The following GLCCI1 variants were observed in gnomAD, a reference collection of about 807,000 sequenced individuals.
GLCCI1 encodes glucocorticoid induced 1, also known as glucocorticoid-induced transcript 1 protein.
In GLCCI1, 24 loss-of-function variants were observed where a neutral mutation model predicts 52.2. The observed-to-expected ratio is 0.46, with a 90% confidence interval of 0.33 to 0.65. The LOEUF is 0.65. GLCCI1 is among the 30% of genes least tolerant of loss of function. The pLI is 0.02. For synonymous variants in GLCCI1, 310 were observed against 276.5 expected (o/e 1.12, Z -1.20); for missense variants, 704 against 701.5 (o/e 1.00, Z -0.04).
chr7:8,043,315 T>A (rs1313408387), intron 3 of GLCCI1, among the ~76,000 whole-genome samples: 1 of 149,802 alleles, frequency 6.7e-6, no homozygotes, highest in Non-Finnish European at 1.5e-5. Flanking sequence ...TATGCCTTCA[T>A]TCAACAATGC....
At chr7:7,976,479 C>CAAAAAAAAAAAAAAAAAAAAA (rs35255634) in intron 1 of GLCCI1, among the ~76,000 whole-genome samples, 16 of 24,664 alleles carry the variant, frequency 6.5e-4, no homozygotes, top group African/African-American at 1.6e-3. Context: ...AACTCCATCT[C>CAAAAAAAAAAAAAAAAAAAAA]AAAAAAAAAA....
At chr7:8,029,893 AT>A (rs1202341219) in intron 3 of GLCCI1, among the ~76,000 whole-genome samples, 3 of 152,190 alleles carry the variant, frequency 2.0e-5, no homozygotes, top group African/African-American at 7.2e-5. Flanking sequence ...GATGAAAGAA[AT>A]TGAAGAGGAC....
At chr7:8,063,469 G>A (rs533913309) in intron 5 of GLCCI1, among the ~76,000 whole-genome samples, 70 of 151,752 alleles carry the variant, frequency 4.6e-4, no homozygotes, top group African/African-American at 9.7e-4. Flanking sequence ...TTTAATAACC[G>A]TTCTAACTGA....
At chr7:8,066,573 T>C (rs1782635905) in intron 5 of GLCCI1, among the ~76,000 whole-genome samples, 1 of 151,254 alleles carries the variant, frequency 6.6e-6, no homozygotes, top group African/African-American at 2.4e-5. Flanking sequence ...TAGAATCTAG[T>C]ATGTTGTATC....
intron 5 of GLCCI1, among the ~76,000 whole-genome samples, chr7:8,066,579 G>C (rs1191501703): frequency 6.6e-6 from 1 of 150,582 alleles, no homozygotes; most frequent in Non-Finnish European, 1.5e-5. Context: ...CTAGTATGTT[G>C]TATCTTTAGT....
At chr7:7,998,858 T>G (rs1780996988) in intron 1 of GLCCI1, among the ~76,000 whole-genome samples, 1 of 152,190 alleles carries the variant, frequency 6.6e-6, no homozygotes, top group Non-Finnish European at 1.5e-5. Context: ...AAGCTTTTAA[T>G]GTCTCTAAAT....
At chr7:8,057,070 A>G (rs185119312) in intron 4 of GLCCI1, among the ~76,000 whole-genome samples, 9 of 152,338 alleles carry the variant, frequency 5.9e-5, no homozygotes, top group Non-Finnish European at 1.0e-4. Flanking sequence ...AGGATGTGGA[A>G]CAACCAGAAC....
At chr7:7,980,193 C>T (rs1320430494) in intron 1 of GLCCI1, 1 of 152,628 alleles carries the variant, frequency 6.6e-6, no homozygotes, top group Non-Finnish European at 1.5e-5. Flanking sequence ...CTGGACCTGG[C>T]CCTATTTTTC....
Position 8,081,690 on chromosome 7 carries a change from A to G in GLCCI1, c.1178-3207A>G, listed in dbSNP as rs867200916. Reference sequence around the variant, plus strand: ...TTTCTATATGAAATTCCAAACTTGAATAACTTCTCTAATTTTTCCAAACTC... The same window carrying G: ...TTTCTATATGAAATTCCAAACTTGAGTAACTTCTCTAATTTTTCCAAACTC... On this transcript the variant is annotated intron_variant, in intron 6 of 7. Coordinates refer to ENST00000223145, the MANE Select transcript of GLCCI1 (RefSeq NM_138426.4). 9.2e-5 allele frequency among the ~76,000 whole-genome samples: 14 copies of G among 152,346 alleles called. 1 individual carries two copies. The South Asian group carries it at 2.7e-3, about 29-fold the overall frequency.
chr7:8,061,823 T>C (rs901062663), intron 5 of GLCCI1, among the ~76,000 whole-genome samples: 2 of 151,836 alleles, frequency 1.3e-5, no homozygotes, highest in Non-Finnish European at 2.9e-5. Flanking sequence ...CACACCACCA[T>C]GCCCAGCTAA....
chr7:8,062,214 G>C (rs1320637022), intron 5 of GLCCI1, among the ~76,000 whole-genome samples: 1 of 152,106 alleles, frequency 6.6e-6, no homozygotes, highest in Non-Finnish European at 1.5e-5. Context: ...ATAATTTTTA[G>C]AAGTTTTAGA....
chr7:8,023,330 T>C (rs535553250), intron 3 of GLCCI1, among the ~76,000 whole-genome samples: 5 of 152,136 alleles, frequency 3.3e-5, no homozygotes, highest in Non-Finnish European at 5.9e-5. Flanking sequence ...TCCAGCATAT[T>C]GTTGCCCTTT....
chr7:8,023,926 C>A (rs547466409), intron 3 of GLCCI1, among the ~76,000 whole-genome samples: 2 of 152,138 alleles, frequency 1.3e-5, no homozygotes, highest in Admixed American at 1.3e-4. Context: ...TGGAAACTCA[C>A]TACTTTACAA....
chr7:8,027,896 G>A (rs138218446), intron 3 of GLCCI1, among the ~76,000 whole-genome samples: 2 of 152,266 alleles, frequency 1.3e-5, no homozygotes, highest in East Asian at 3.9e-4. Context: ...TGATAAAAGG[G>A]TCAATTCAAC....
At chr7:8,062,434 G>A (rs1473029622) in intron 5 of GLCCI1, among the ~76,000 whole-genome samples, 1 of 152,158 alleles carries the variant, frequency 6.6e-6, no homozygotes, top group Non-Finnish European at 1.5e-5. Flanking sequence ...AGTTGGTATA[G>A]TTTTTGTTTA....
intron 3 of GLCCI1, among the ~76,000 whole-genome samples, chr7:8,052,820 T>C (rs1329454756): frequency 1.3e-5 from 2 of 152,132 alleles, no homozygotes; most frequent in Non-Finnish European, 2.9e-5. Flanking sequence ...TCTCTTTTTT[T>C]CTTCCCAAAG....
At position 8,086,016 on chromosome 7, in the gene GLCCI1, G is replaced by C. The variant is rs186686371; in HGVS notation, c.1299-177G>C. On this transcript the variant is annotated intron_variant, in intron 7 of 7. Transcript: ENST00000223145. This position sits in a 1 kb window ranked among gnomAD's most constrained non-coding sequence, Gnocchi z 4.4. Reference sequence around the variant, plus strand: ...CTCAAATACCACTTCAGTGCTGTGTGCATGAATAGTCTGCCAGCTGACTTG... The same window carrying C: ...CTCAAATACCACTTCAGTGCTGTGTCCATGAATAGTCTGCCAGCTGACTTG... Among the ~76,000 whole-genome samples the C allele has an allele frequency of 3.3e-5, 5 of 152,254 alleles. No homozygotes were observed. In the East Asian group the frequency reaches 9.7e-4, roughly 29 times the overall value.
At chr7:8,075,010 G>A (rs1386729109) in intron 6 of GLCCI1, among the ~76,000 whole-genome samples, 1 of 152,048 alleles carries the variant, frequency 6.6e-6, no homozygotes, top group Non-Finnish European at 1.5e-5. Flanking sequence ...CTGGTGAGCT[G>A]ATTATTTTTC....
intron 1 of GLCCI1, among the ~76,000 whole-genome samples, chr7:7,991,703 A>C (rs572746351): frequency 1.3e-5 from 2 of 152,188 alleles, no homozygotes; most frequent in African/African-American, 4.8e-5. Context: ...CAAGGCTTCT[A>C]TCTTTTCTAC....
Sources: gnomAD v4.1 joint callset for allele counts (sites outside exome capture counted in the v4.1 genomes callset) on GRCh38, gnomAD v4.1.1 for gene constraint, Gnocchi (gnomAD v3.1) non-coding constraint, MANE v1.5 for transcripts, NCBI Gene and HGNC (gene_info 2026-07-23, HGNC 2026-07-21) for gene names.